HYDIN: variants seen among roughly 807,000 people sequenced by gnomAD.
HYDIN encodes HYDIN axonemal central pair apparatus protein, also known as axonemal central pair apparatus protein HYDIN.
Under a neutral mutation model 403.9 loss-of-function variants are expected in HYDIN, and 132 were observed. The ratio of observed to expected loss-of-function variants is 0.33; its 90% confidence interval spans 0.28 to 0.38. HYDIN has a LOEUF of 0.38. HYDIN is among the 10% of genes least tolerant of loss of function. The probability of loss-of-function intolerance (pLI) is 1.00; values close to 1 mark genes in which losing one functional copy is unlikely to be tolerated. For synonymous variants in HYDIN, 1,202 were observed against 1,891.7 expected (o/e 0.64, Z 9.46); for missense variants, 2,827 against 5,009.5 (o/e 0.56, Z 13.15).
chr16:71,218,232 C>G (rs1335357269), intron 1 of HYDIN, among the ~76,000 whole-genome samples: 4 of 152,144 alleles, frequency 2.6e-5, no homozygotes, highest in Non-Finnish European at 5.9e-5. Flanking sequence ...AAAACATATT[C>G]TATTAATCCC....
intron 5 of HYDIN, 31 bp downstream of exon 5, chr16:71,175,576 G>A (rs1238859257): frequency 1.2e-6 from 2 of 1,608,740 alleles, no homozygotes; most frequent in Non-Finnish European, 1.7e-6. Flanking sequence ...GCCAGTACAA[G>A]TGTCCAATTT....
At chr16:70,976,583 T>C (rs1465100701) in intron 30 of HYDIN, among the ~76,000 whole-genome samples, 8 of 151,226 alleles carry the variant, frequency 5.3e-5, no homozygotes, top group Non-Finnish European at 1.0e-4. Flanking sequence ...TGTACAAATG[T>C]CAATTTCATG....
chr16:71,152,760 A>G lies in HYDIN; in HGVS notation c.740T>C (p.Ile247Thr), dbSNP rs774441127. The G allele has an allele frequency of 2.1e-6, 3 of 1,396,578 alleles. No individual in the cohort carries two copies. The highest frequency in any genetic ancestry group is 3.0e-6 in the Non-Finnish European group (3 of 1,002,682). 86.5% of individuals were successfully genotyped at this position (1,396,578 alleles called of 1,614,324 possible). ...GGACTCTCCCACATTAAGAGTTCCAATAGCTGGTTCTATAGAGAAAGGCCT... is the reference window on the plus strand; with the variant it reads ...GGACTCTCCCACATTAAGAGTTCCAGTAGCTGGTTCTATAGAGAAAGGCCT... Reference protein sequence around the residue: ...TCRPFSIEPAIGTLNVGESMQ... With the variant: ...TCRPFSIEPATGTLNVGESMQ... Residue 247 changes from isoleucine (I) to threonine (T), a missense_variant, in exon 7 of 86, where the codon ATT (isoleucine) becomes ACT (threonine). Coordinates refer to ENST00000393567, the MANE Select transcript of HYDIN (RefSeq NM_001270974.2).
At chr16:71,210,806 C>A (rs906011688) in intron 1 of HYDIN, among the ~76,000 whole-genome samples, 1 of 151,974 alleles carries the variant, frequency 6.6e-6, no homozygotes, top group Admixed American at 6.6e-5. Flanking sequence ...CTTGGCCCTA[C>A]AGAATAATAA....
intron 45 of HYDIN, among the ~76,000 whole-genome samples, chr16:70,934,535 G>T (rs1408647882): frequency 2.0e-5 from 3 of 152,144 alleles, no homozygotes; most frequent in African/African-American, 7.2e-5. Context: ...CACTTCCTGA[G>T]AATGCATCTA....
chr16:70,874,784 A>T, intron 63 of HYDIN, 33 bp downstream of exon 63: 1 of 1,600,304 alleles, frequency 6.2e-7, no homozygotes. Flanking sequence ...ACTGAGATCC[A>T]TTGCCCTCTA....
Position 71,230,655 on chromosome 16 carries a change from C to T in HYDIN, c.-117G>A, listed in dbSNP as rs1277577124. 2.2e-5 allele frequency: 34 copies of T among 1,536,120 alleles called. No homozygotes were observed. The highest frequency in any genetic ancestry group is 1.2e-4 in the East Asian group (5 of 40,912). ...AGACCCCGCCGCCGCTGAGGGGCTCCATACCCAGCTTGAAGCCGCCCGCAC... is the reference window on the plus strand; with the variant it reads ...AGACCCCGCCGCCGCTGAGGGGCTCTATACCCAGCTTGAAGCCGCCCGCAC... On this transcript the variant is annotated 5_prime_UTR_variant, in exon 1 of 86. It removes an upstream start codon present in the reference 5' UTR. Coordinates refer to ENST00000393567, the MANE Select transcript of HYDIN (RefSeq NM_001270974.2).
chr16:71,220,396 C>T (rs1429034812), intron 1 of HYDIN, among the ~76,000 whole-genome samples: 1 of 152,154 alleles, frequency 6.6e-6, no homozygotes, highest in African/African-American at 2.4e-5. Context: ...CTAATTTGGC[C>T]TTGTATACAA....
rs1774437 is a variant in HYDIN at position 70,895,873 on chromosome 16, T to C, written c.9148+108A>G. The C allele has an allele frequency of 0.018, 24,856 of 1,360,926 alleles. 1,507 individuals are homozygous for C. In the African/African-American group the frequency reaches 0.19, roughly 10 times the overall value. The allele number at this position is 1,360,926 out of a possible 1,614,324, so 84.3% of individuals were successfully genotyped here. ...ATTATTATTTATTAAAATTGCCCCA[T>C]GCCCAATCCCTGCAATACTAACAAC... On this transcript the variant is annotated intron_variant, in intron 54 of 85. Coordinates refer to ENST00000393567, the MANE Select transcript of HYDIN (RefSeq NM_001270974.2).
At chr16:70,985,445 A>C in intron 27 of HYDIN, 123 bp from the exon 28 acceptor site, 2 of 1,038,694 alleles carry the variant, frequency 1.9e-6, no homozygotes, top group Non-Finnish European at 1.4e-6. Context: ...TGGTCAATCT[A>C]CATCTCAGCA....
chr16:70,923,031 G>A (rs1209003288), intron 45 of HYDIN, among the ~76,000 whole-genome samples: 1 of 152,018 alleles, frequency 6.6e-6, no homozygotes, highest in African/African-American at 2.4e-5. Flanking sequence ...GCCTCCCAAA[G>A]TGTTGGGATT....
intron 5 of HYDIN, 41 bp downstream of exon 5, chr16:71,175,566 G>T: frequency 6.3e-7 from 1 of 1,599,536 alleles, no homozygotes; most frequent in Non-Finnish European, 8.6e-7. Flanking sequence ...ACTGCAATCT[G>T]CCAGTACAAG....
chr16:71,137,866 C>T (rs949619973), intron 7 of HYDIN, among the ~76,000 whole-genome samples: 4 of 151,700 alleles, frequency 2.6e-5, no homozygotes, highest in Admixed American at 6.6e-5. Flanking sequence ...TTAAAAGAAA[C>T]CACATCCCTA....
In HYDIN at chr16:71,219,180, C is replaced by T. The variant is rs529255053; in HGVS notation, c.-24+11382G>A. ...CATAGAATTAGGCAAAGTTGTTTAA[C>T]TTAGGCTCATAATAGCAGTTTAAAG... On this transcript the variant is annotated intron_variant, in intron 1 of 85. Transcript: ENST00000393567. Among the ~76,000 whole-genome samples, 4 of 152,140 alleles carry T rather than the reference C, an allele frequency of 2.6e-5. No homozygotes were observed. In the South Asian group the frequency reaches 8.3e-4, roughly 32 times the overall value.
chr16:70,950,993 C>T (rs1168301407), intron 41 of HYDIN, among the ~76,000 whole-genome samples: 3 of 152,142 alleles, frequency 2.0e-5, no homozygotes, highest in Non-Finnish European at 4.4e-5. Flanking sequence ...CTTTGGGAGG[C>T]AGAGGCAGAG....
intron 23 of HYDIN, among the ~76,000 whole-genome samples, chr16:71,004,263 G>A (rs769573180): frequency 8.0e-5 from 12 of 149,228 alleles, no homozygotes; most frequent in African/African-American, 2.2e-4. Context: ...GTAGTGAGCC[G>A]AGATCATGCC....
chr16:71,201,408 C>T (rs952504401), intron 1 of HYDIN, among the ~76,000 whole-genome samples: 1 of 152,218 alleles, frequency 6.6e-6, no homozygotes, highest in East Asian at 1.9e-4. Context: ...TTTTTACTAT[C>T]CTGCATCCAT....
chr16:70,884,405 C>T (rs1347926965), intron 58 of HYDIN, among the ~76,000 whole-genome samples: 4 of 150,132 alleles, frequency 2.7e-5, no homozygotes, highest in Admixed American at 6.6e-5. Context: ...ATAGACTCCA[C>T]ATCATATAGC....
chr16:71,203,185 T>C (rs923517763), intron 1 of HYDIN, among the ~76,000 whole-genome samples: 6 of 152,162 alleles, frequency 3.9e-5, no homozygotes, highest in South Asian at 4.1e-4. Context: ...GAAAGATGAA[T>C]ACAAGTGAAT....
Sources: allele counts gnomAD v4.1 joint callset (sites outside exome capture counted in the v4.1 genomes callset), GRCh38; gene constraint gnomAD v4.1.1; transcripts MANE v1.5; gene names NCBI Gene and HGNC (gene_info 2026-07-23, HGNC 2026-07-21).